DOCK3: variants seen among roughly 807,000 people sequenced by gnomAD.
DOCK3 encodes the protein dedicator of cytokinesis 3.
DOCK3 carries 60 observed loss-of-function variants against 265.6 expected under a neutral mutation model. The ratio of observed to expected loss-of-function variants is 0.23; its 90% CI spans 0.18 to 0.28. The LOEUF (loss-of-function observed/expected upper bound fraction) is 0.28, where lower values mean the gene tolerates loss of function less well. Among genes scored for constraint, DOCK3 ranks in the 10% least tolerant of loss-of-function variants. The pLI is 1.00. For synonymous variants in DOCK3, 881 were observed against 938.0 expected (o/e 0.94, Z 1.11); for missense variants, 1,981 against 2,594.3 (o/e 0.76, Z 5.14).
chr3:51,003,857 G>T (rs529167254), intron 5 of DOCK3, among the ~76,000 whole-genome samples: 6 of 152,172 alleles, frequency 3.9e-5, no homozygotes, highest in Non-Finnish European at 7.4e-5. Context: ...GGGTTTGTGG[G>T]GGAAAAACTG....
At chr3:50,810,033 G>A (rs2043647611) in intron 2 of DOCK3, among the ~76,000 whole-genome samples, 1 of 152,068 alleles carries the variant, frequency 6.6e-6, no homozygotes, top group Admixed American at 6.6e-5. Flanking sequence ...TACTCAGGTG[G>A]GTAAGGTGAG....
intron 1 of DOCK3, among the ~76,000 whole-genome samples, chr3:50,729,965 C>T (rs1217325389): frequency 2.0e-5 from 3 of 151,394 alleles, no homozygotes; most frequent in African/African-American, 7.3e-5. Flanking sequence ...ATTACAAGTG[C>T]CTGCCATCAC....
At chr3:50,995,097 G>C (rs1353935235) in intron 5 of DOCK3, among the ~76,000 whole-genome samples, 3 of 151,920 alleles carry the variant, frequency 2.0e-5, no homozygotes. Flanking sequence ...CTCACATTTA[G>C]TATTATTTTA....
intron 47 of DOCK3, 74 bp downstream of exon 47, chr3:51,360,706 C>A: frequency 5.0e-6 from 8 of 1,586,664 alleles, no homozygotes; most frequent in African/African-American, 1.3e-5. Flanking sequence ...AGGAAAGAGT[C>A]CTCATGTATA....
chr3:51,042,104 C>T (rs937909987), intron 5 of DOCK3, among the ~76,000 whole-genome samples: 1 of 152,138 alleles, frequency 6.6e-6, no homozygotes, highest in African/African-American at 2.4e-5. Context: ...CATCCTGATA[C>T]GAAAACCTGG....
intron 24 of DOCK3, among the ~76,000 whole-genome samples, chr3:51,273,141 G>A (rs190295291): frequency 1.4e-5 from 2 of 147,398 alleles, no homozygotes; most frequent in African/African-American, 5.0e-5. Context: ...CAGCCTGGGC[G>A]ACAGAGTGAG....
chr3:50,792,011 A>T (rs2108610334), intron 2 of DOCK3, among the ~76,000 whole-genome samples: 1 of 152,044 alleles, frequency 6.6e-6, no homozygotes, highest in East Asian at 1.9e-4. Context: ...TTGTAGTTTG[A>T]TAGGAATAGC....
intron 1 of DOCK3, among the ~76,000 whole-genome samples, chr3:50,698,517 GTTTTTTTTTTT>G: frequency 0.035 from 677 of 19,536 alleles, 91 homozygotes; most frequent in Non-Finnish European, 0.049. Flanking sequence ...TATGTTTTTG[GTTTTTTTTTTT>G]TTTTTTTTTT....
At chr3:51,108,227 TG>T (rs1484380124) in intron 9 of DOCK3, among the ~76,000 whole-genome samples, 1 of 152,102 alleles carries the variant, frequency 6.6e-6, no homozygotes, top group Non-Finnish European at 1.5e-5. Context: ...GGTTTTGCCA[TG>T]CTGGTATCAT....
Position 51,350,457 on chromosome 3 carries a change from T to C in DOCK3, c.4107+65T>C, listed in dbSNP as rs1436241269. On this transcript the variant is annotated intron_variant, in intron 40 of 52. Transcript: ENST00000266037. ...ACGCATAATTCACTTAAAACCGATA[T>C]TCTTTTCTTCCCCTTTTTGCCTTTT... The C allele has an allele frequency of 1.0e-5, 16 of 1,537,222 alleles. No homozygotes were observed. The South Asian group carries it at 1.4e-4, about 14-fold the overall frequency.
At chr3:51,279,589 T>C (rs1219897980) in intron 26 of DOCK3, among the ~76,000 whole-genome samples, 1 of 152,208 alleles carries the variant, frequency 6.6e-6, no homozygotes, top group Non-Finnish European at 1.5e-5. Context: ...TTTTAACTCC[T>C]CTGCCTTTCA....
intron 15 of DOCK3, among the ~76,000 whole-genome samples, chr3:51,226,605 CCTGTTCA>C (rs2090336480): frequency 6.6e-6 from 1 of 152,210 alleles, no homozygotes; most frequent in Non-Finnish European, 1.5e-5. Flanking sequence ...AAAACCTAAG[CCTGTTCA>C]CTGTTTGCAT....
chr3:50,735,339 C>A (rs187938552), intron 1 of DOCK3, among the ~76,000 whole-genome samples: 1 of 152,002 alleles, frequency 6.6e-6, no homozygotes. Context: ...ATATTTATTT[C>A]TCTGTTTATT....
At chr3:50,729,693 A>AT (rs974324388) in intron 1 of DOCK3, among the ~76,000 whole-genome samples, 3 of 150,976 alleles carry the variant, frequency 2.0e-5, no homozygotes, top group Non-Finnish European at 3.0e-5. Flanking sequence ...AGACTAATTA[A>AT]TTTTTTTTTA....
chr3:51,269,898 G>A (rs977242397), intron 23 of DOCK3, among the ~76,000 whole-genome samples: 3 of 152,028 alleles, frequency 2.0e-5, no homozygotes, highest in Non-Finnish European at 2.9e-5. Context: ...TTTTATAGAT[G>A]GGGAAACAGA....
intron 1 of DOCK3, among the ~76,000 whole-genome samples, chr3:50,681,268 G>A (rs879927368): frequency 2.0e-5 from 3 of 152,192 alleles, no homozygotes; most frequent in Non-Finnish European, 4.4e-5. Context: ...AGTCTCAAAA[G>A]AATGGTCATT....
chr3:51,203,454 C>A (rs1349565654), intron 12 of DOCK3, among the ~76,000 whole-genome samples: 1 of 152,184 alleles, frequency 6.6e-6, no homozygotes, highest in African/African-American at 2.4e-5. Context: ...ATCCACCTTA[C>A]AAGGGACGTG....
intron 1 of DOCK3, among the ~76,000 whole-genome samples, chr3:50,714,419 A>C (rs17051404): frequency 0.025 from 3,800 of 152,282 alleles, 182 homozygotes; most frequent in African/African-American, 0.087. Flanking sequence ...AATGTGGCAT[A>C]TTCTCTGTAA....
At chr3:50,788,022 C>G (rs1201641879) in intron 2 of DOCK3, 1 of 746,130 alleles carries the variant, frequency 1.3e-6, no homozygotes, top group East Asian at 3.0e-5. Flanking sequence ...GCATGCACAT[C>G]AGACTCTGCT....
Sources: gnomAD v4.1 joint callset for allele counts (sites outside exome capture counted in the v4.1 genomes callset) on GRCh38, gnomAD v4.1.1 for gene constraint, MANE v1.5 for transcripts, NCBI Gene and HGNC (gene_info 2026-07-23, HGNC 2026-07-21) for gene names.